RBFOX1: variants seen among roughly 807,000 people sequenced by gnomAD.
RBFOX1 encodes RNA binding protein fox-1 homolog 1.
In RBFOX1, 8 loss-of-function variants were observed where a neutral mutation model predicts 57.7. The ratio of observed to expected loss-of-function variants is 0.14; its 90% CI spans 0.08 to 0.25. RBFOX1 has a LOEUF of 0.25. Among genes scored for constraint, RBFOX1 ranks in the 10% least tolerant of loss-of-function variants. The pLI, the probability that RBFOX1 is intolerant of heterozygous loss-of-function variation, is 1.00. For missense variants in RBFOX1, 611 were observed against 548.5 expected (o/e 1.11, Z -1.14); for synonymous variants, 326 against 222.4 (o/e 1.47, Z -4.15).
chr16:5,271,387 A>T (rs553737093), intron 1 of RBFOX1, among the ~76,000 whole-genome samples: 208 of 152,268 alleles, frequency 1.4e-3, no homozygotes, highest in Non-Finnish European at 2.1e-3. Flanking sequence ...ATACACATAC[A>T]TACATACCCA....
rs528680049 is a variant in RBFOX1, at chr16:5,539,914, T to G, written c.259-58988T>G. The stretch of plus-strand genomic sequence containing the variant: ...TAACATTTAAGAGGTAAACAAGTAT[T>G]TTATGGATGTTTCAAGGAGGGTTTT... On this transcript the variant is annotated intron_variant, in intron 2 of 2. Coordinates refer to the RBFOX1 transcript ENST00000585867. Among the ~76,000 whole-genome samples the G allele has an allele frequency of 5.3e-5, 8 of 152,340 alleles. No individual in the cohort carries two copies. In the South Asian group the frequency reaches 1.7e-3, roughly 32 times the overall value.
chr16:6,129,593 G>A (rs1473344322), intron 1 of RBFOX1, among the ~76,000 whole-genome samples: 2 of 151,418 alleles, frequency 1.3e-5, no homozygotes, highest in Admixed American at 6.6e-5. Flanking sequence ...AGAGAGAATA[G>A]GATAGAAAAA....
chr16:5,825,798 CCTTAATAT>C (rs1358369676), intron 3 of RBFOX1, among the ~76,000 whole-genome samples: 116 of 146,510 alleles, frequency 7.9e-4, no homozygotes, highest in African/African-American at 2.7e-3. Flanking sequence ...GAATAATATT[CCTTAATAT>C]GAATAAGGAA....
intron 4 of RBFOX1, among the ~76,000 whole-genome samples, chr16:7,101,242 C>A (rs987905229): frequency 2.6e-5 from 4 of 152,140 alleles, no homozygotes; most frequent in African/African-American, 9.7e-5. Flanking sequence ...ACCAGCGTGG[C>A]ATAGAGAGAA....
chr16:6,613,580 A>G (rs1012820186), intron 2 of RBFOX1, among the ~76,000 whole-genome samples: 1 of 152,216 alleles, frequency 6.6e-6, no homozygotes, highest in Admixed American at 6.5e-5. Flanking sequence ...TATTAAACAT[A>G]ATGAGGTTGA....
intron 3 of RBFOX1, among the ~76,000 whole-genome samples, chr16:6,947,801 G>A (rs1383742367): frequency 6.6e-6 from 1 of 152,044 alleles, no homozygotes; most frequent in African/African-American, 2.4e-5. Context: ...TTTGGAGATG[G>A]AGTCTTGCTC....
Position 7,083,781 on chromosome 16 carries a change from A to T in RBFOX1, c.27+31683A>T, listed in dbSNP as rs185684915. Among the ~76,000 whole-genome samples, 16 of 152,246 alleles carry T rather than the reference A, an allele frequency of 1.1e-4. No individual in the cohort carries two copies. In the East Asian group the frequency reaches 3.1e-3, roughly 29 times the overall value. On this transcript the variant is annotated intron_variant, in intron 4 of 15. Coordinates refer to ENST00000550418, the MANE Select transcript of RBFOX1 (RefSeq NM_018723.4). Reference sequence around the variant, plus strand: ...GCCCAGAAGGCACCGTGCATGGGTCAGTTGTTAGTGGTTGCCATGGTGACA... The same window carrying T: ...GCCCAGAAGGCACCGTGCATGGGTCTGTTGTTAGTGGTTGCCATGGTGACA...
At chr16:7,307,502 A>C (rs929174712) in intron 4 of RBFOX1, among the ~76,000 whole-genome samples, 1 of 152,202 alleles carries the variant, frequency 6.6e-6, no homozygotes, top group Non-Finnish European at 1.5e-5. Context: ...TGATGTTTAC[A>C]TTATTTGACT....
At chr16:6,829,484 A>AAAAC (rs1393580227) in intron 3 of RBFOX1, among the ~76,000 whole-genome samples, 1 of 150,622 alleles carries the variant, frequency 6.6e-6, no homozygotes, top group African/African-American at 2.4e-5. Flanking sequence ...CAACCATTAA[A>AAAAC]AAAAAAAAAA....
At chr16:6,686,598 C>G (rs532354959) in intron 3 of RBFOX1, among the ~76,000 whole-genome samples, 2 of 152,302 alleles carry the variant, frequency 1.3e-5, no homozygotes, top group South Asian at 2.1e-4. Flanking sequence ...AGGGGTGAGA[C>G]AGCAGTGGAG....
intron 4 of RBFOX1, among the ~76,000 whole-genome samples, chr16:7,265,443 A>G (rs2095090965): frequency 6.7e-6 from 1 of 149,694 alleles, no homozygotes; most frequent in African/African-American, 2.5e-5. Context: ...TCATTTATTT[A>G]TTTGTTTATT....
At chr16:6,589,626 C>G (rs560907580) in intron 2 of RBFOX1, among the ~76,000 whole-genome samples, 1 of 152,318 alleles carries the variant, frequency 6.6e-6, no homozygotes, top group East Asian at 1.9e-4. Flanking sequence ...CTTGCAGCTC[C>G]TAGCTGCAGG....
At chr16:5,679,202 C>T (rs1596717103) in intron 3 of RBFOX1, among the ~76,000 whole-genome samples, 1 of 152,312 alleles carries the variant, frequency 6.6e-6, no homozygotes, top group East Asian at 1.9e-4. Context: ...TGCAAGGGCG[C>T]ATCTTCATTT....
intron 3 of RBFOX1, among the ~76,000 whole-genome samples, chr16:5,665,095 A>G (rs1386728721): frequency 7.4e-6 from 1 of 135,640 alleles, no homozygotes; most frequent in African/African-American, 2.8e-5. Context: ...ACAGGTGTGC[A>G]CCACCATGGC....
At chr16:6,801,704 T>C (rs2154258176) in intron 3 of RBFOX1, among the ~76,000 whole-genome samples, 1 of 152,100 alleles carries the variant, frequency 6.6e-6, no homozygotes, top group East Asian at 1.9e-4. Context: ...AATAATGAGG[T>C]GCAGATGAAC....
chr16:7,221,633 C>T (rs933109152), intron 4 of RBFOX1, among the ~76,000 whole-genome samples: 2 of 152,178 alleles, frequency 1.3e-5, no homozygotes, highest in Admixed American at 6.5e-5. Context: ...TCCCAAAGTA[C>T]TGGGATTACA....
Position 5,267,362 on chromosome 16 carries a change from A to T in RBFOX1, c.219+27257A>T, listed in dbSNP as rs532199833. 2.4e-4 allele frequency among the ~76,000 whole-genome samples: 36 copies of T among 150,726 alleles called. No homozygotes were observed. The South Asian group carries it at 7.6e-3, about 32-fold the overall frequency. ...GCCCAGGCTAGAGTACAGTGTCTTA[A>T]TCTTGACTCACTGCAACCTCCGCCT... is the stretch of plus-strand genomic sequence containing the variant. On this transcript the variant is annotated intron_variant, in intron 1 of 2. Transcript: ENST00000585867.
chr16:7,610,320 C>T (rs765452106), intron 10 of RBFOX1, among the ~76,000 whole-genome samples: 8 of 151,512 alleles, frequency 5.3e-5, no homozygotes, highest in Non-Finnish European at 8.8e-5. Context: ...AGGGTTTTGC[C>T]GTGTTGGCTA....
At chr16:6,453,833 G>A (rs531590404) in intron 2 of RBFOX1, among the ~76,000 whole-genome samples, 8 of 152,198 alleles carry the variant, frequency 5.3e-5, no homozygotes, top group Admixed American at 2.6e-4. Flanking sequence ...ACCACACAGG[G>A]CCAGAGGCTA....
Sources: gnomAD v4.1 joint callset for allele counts (sites outside exome capture counted in the v4.1 genomes callset) on GRCh38, gnomAD v4.1.1 for gene constraint, MANE v1.5 for transcripts, NCBI Gene and HGNC (gene_info 2026-07-23, HGNC 2026-07-21) for gene names.